The following PRDM13 variants were observed in gnomAD, a reference collection of about 807,000 sequenced individuals.
The protein encoded by PRDM13 is PR/SET domain 13, also known as PR domain zinc finger protein 13.
Under a neutral mutation model 36.4 loss-of-function variants are expected in PRDM13, and 15 were observed. The ratio of observed to expected loss-of-function variants is 0.41; its 90% confidence interval spans 0.28 to 0.64. The LOEUF (loss-of-function observed/expected upper bound fraction) is 0.64, where lower values mean the gene tolerates loss of function less well. Ranked by LOEUF, PRDM13 falls within the 30% of genes least tolerant of loss-of-function variation. The pLI, the probability that PRDM13 is intolerant of heterozygous loss-of-function variation, is 0.29. For missense variants in PRDM13, 1,044 were observed against 1,013.5 expected, an observed-to-expected ratio of 1.03 and a Z score of -0.41; for synonymous variants, 531 against 467.7, an observed-to-expected ratio of 1.14 and a Z score of -1.75.
intron 3 of PRDM13, among the ~76,000 whole-genome samples, 195 bp downstream of exon 3, chr6:99,609,502 C>T (rs1035961981): frequency 6.6e-6 from 1 of 152,138 alleles, no homozygotes; most frequent in Non-Finnish European, 1.5e-5. Flanking sequence ...CAATCTGGCT[C>T]ACAATGGCAG....
chr6:99,609,274 C>A lies in PRDM13; in HGVS notation c.364C>A (p.Pro122Thr). Reference sequence around the variant, plus strand: ...CTCCTTGGCTCAGTGGTTCGACATCCCCACCACAGCGACTCCGACTCACGA... The same window carrying A: ...CTCCTTGGCTCAGTGGTTCGACATCACCACCACAGCGACTCCGACTCACGA... The part of the protein sequence containing the change: ...SNSLAQWFDI[P>T]TTATPTHDEK... Residue 122 changes from proline to threonine, a missense_variant, in exon 3 of 4, where the codon CCC becomes ACC. By Grantham distance (38) the Pro-to-Thr change is conservative (BLOSUM62 -1). Coordinates refer to ENST00000369215, the MANE Select transcript of PRDM13 (RefSeq NM_021620.4). 1 of 1,614,078 alleles carries A rather than the reference C, an allele frequency of 6.2e-7. No homozygotes were observed. Among genetic ancestry groups the A allele is most frequent in the Non-Finnish European group, 8.5e-7 (1 of 1,179,972 alleles).
rs759756481 is a variant in PRDM13 at position 99,614,671 on chromosome 6, C to T, written c.2036C>T (p.Pro679Leu). 7 of 1,611,640 alleles carry T rather than the reference C, an allele frequency of 4.3e-6. No homozygotes were observed. Among genetic ancestry groups the T allele is most frequent in the Non-Finnish European group, 5.1e-6 (6 of 1,179,456 alleles). Reference protein sequence around the residue: ...EPGYPPEPGDPKSDDSDVDVC... With the variant: ...EPGYPPEPGDLKSDDSDVDVC... ...GGCTATCCCCCGGAGCCTGGGGATC[C>T]CAAGAGCGACGACAGTGACGTGGAC... Residue 679 changes from proline (P) to leucine (L), a missense_variant, in exon 4 of 4, where the codon CCC becomes CTC. Pro to Leu is a moderately conservative substitution (Grantham distance 98). Transcript: ENST00000369215.
At position 99,614,160 on chromosome 6, in the gene PRDM13, C is replaced by G; in HGVS notation, c.1525C>G (p.Pro509Ala). ...CGGGCCTGCAGCGGCCGCCCTAAGCCCCGCCGAGCTGGGGTCGCTGGCCAG... is the reference window on the plus strand; with the variant it reads ...CGGGCCTGCAGCGGCCGCCCTAAGCGCCGCCGAGCTGGGGTCGCTGGCCAG... ...FSGPAAAALS[P>A]AELGSLASID... Residue 509 changes from proline to alanine, a missense_variant, in exon 4 of 4, where the codon CCC (proline) becomes GCC (alanine). By Grantham distance (27) the Pro-to-Ala change is conservative (BLOSUM62 -1). Transcript: ENST00000369215. The G allele has an allele frequency of 1.2e-5, 19 of 1,600,928 alleles. No homozygotes were observed. The highest frequency in any genetic ancestry group is 1.6e-5 in the Non-Finnish European group (19 of 1,176,122).
At position 99,613,564 on chromosome 6, in the gene PRDM13, A is replaced by T. The variant is rs1341717661; in HGVS notation, c.929A>T (p.Asp310Val). Residue 310 changes from aspartate to valine, a missense_variant, in exon 4 of 4, where the codon GAC (aspartate) becomes GTC (valine). By Grantham distance (152) the Asp-to-Val change is radical (BLOSUM62 -3). This residue lies in a region of PRDM13 where 921 missense variants were observed against 865.2 expected (regional missense o/e 1.06). Coordinates refer to ENST00000369215, the MANE Select transcript of PRDM13 (RefSeq NM_021620.4). This position sits in a 1 kb window ranked among gnomAD's most constrained non-coding sequence, Gnocchi z 6.1. ...LARAAAAAHG[D>V]PYREESSSKQ... ...AGGGCGGCGGCGGCCGCTCACGGCG[A>T]CCCCTACCGGGAGGAGAGCAGCAGC... The T allele has an allele frequency of 1.3e-6, 2 of 1,503,930 alleles. No homozygotes were observed. Among genetic ancestry groups the T allele is most frequent in the Non-Finnish European group, 1.8e-6 (2 of 1,136,036 alleles). The allele number at this position is 1,503,930 out of a possible 1,614,324, so 93.2% of individuals were successfully genotyped here. A position where few individuals can be genotyped will look rare whatever the true frequency, so the allele number is the denominator to read the frequency against.
chr6:99,614,220 C>T lies in PRDM13; in HGVS notation c.1585C>T (p.Leu529=), dbSNP rs760787760. ...DREIAMHNQQ[L]SEMAAGKGRG... ...AGAGATCGCCATGCACAATCAGCAG[C>T]TGTCCGAGATGGCTGCCGGGAAGGG... The change falls in exon 4 of 4, where the codon CTG becomes TTG. Residue 529 remains leucine (L), a synonymous_variant. Coordinates refer to ENST00000369215, the MANE Select transcript of PRDM13 (RefSeq NM_021620.4). 4 of 1,608,892 alleles carry T rather than the reference C, an allele frequency of 2.5e-6. No homozygotes were observed. The highest frequency in any genetic ancestry group is 1.7e-4 in the Middle Eastern group (1 of 6,054).
Position 99,614,813 on chromosome 6 carries a change from T to G in PRDM13, c.*54T>G, listed in dbSNP as rs1478114869. 1 of 1,514,972 alleles carries G rather than the reference T, an allele frequency of 6.6e-7. No homozygotes were observed. Among genetic ancestry groups the G allele is most frequent in the East Asian group, 2.3e-5 (1 of 44,042 alleles). 93.8% of individuals were successfully genotyped at this position (1,514,972 alleles called of 1,614,324 possible). ...GGACAGAGAGGAGTCGAGGGTTTAT[T>G]CTCGCAGTAGAGGAACTCCTGGTGG... On this transcript the variant is annotated 3_prime_UTR_variant, in exon 4 of 4. Transcript: ENST00000369215.
chr6:99,607,287 C>A, intron 1 of PRDM13, 109 bp downstream of exon 1: 1 of 1,457,412 alleles, frequency 6.9e-7, no homozygotes, highest in Non-Finnish European at 9.3e-7. Context: ...TCGTTACCTG[C>A]TAATTCTGCC....
In PRDM13 at chr6:99,613,308, G is replaced by A. The variant is rs757996644; in HGVS notation, c.673G>A (p.Glu225Lys). The A allele has an allele frequency of 2.1e-5, 33 of 1,569,438 alleles. No individual in the cohort carries two copies. Among genetic ancestry groups the A allele is most frequent in the Admixed American group, 3.7e-5 (2 of 54,502 alleles). ...ACCAGTTCAGGCCTGCGGTGCGCGGGAGGGCATCAAGCGCGAGGCCTCTTC... is the reference window on the plus strand; with the variant it reads ...ACCAGTTCAGGCCTGCGGTGCGCGGAAGGGCATCAAGCGCGAGGCCTCTTC... The part of the protein sequence containing the change: ...PPPVQACGAR[E>K]GIKREASSAP... Residue 225 changes from glutamate to lysine, a missense_variant, in exon 4 of 4, where the codon GAG becomes AAG. Glu to Lys is a moderately conservative substitution (Grantham distance 56, BLOSUM62 1). Transcript: ENST00000369215. This position sits in a 1 kb window ranked among gnomAD's most constrained non-coding sequence, Gnocchi z 6.1.
At position 99,613,958 on chromosome 6, in the gene PRDM13, G is replaced by A. The variant is rs769989460; in HGVS notation, c.1323G>A (p.Pro441=). The change falls in exon 4 of 4, where the codon CCG becomes CCA. Residue 441 remains proline (P), a synonymous_variant. Coordinates refer to ENST00000369215, the MANE Select transcript of PRDM13 (RefSeq NM_021620.4). The surrounding 1 kb of genome is among the most constrained non-coding windows in gnomAD (Gnocchi z 6.1). ...LERCALPPLD[P]GGLKAYPGGE... is the part of the protein sequence containing the mutation. ...GCTGCGCGCTGCCGCCCCTCGACCCGGGCGGTCTCAAAGCCTATCCGGGTG... is the reference window on the plus strand; with the variant it reads ...GCTGCGCGCTGCCGCCCCTCGACCCAGGCGGTCTCAAAGCCTATCCGGGTG... 13 of 1,593,188 alleles carry A rather than the reference G, an allele frequency of 8.2e-6. No homozygotes were observed. The African/African-American group carries it at 1.2e-4, about 15-fold the overall frequency.
In PRDM13 at chr6:99,613,451, C is replaced by T. The variant is rs1770066837; in HGVS notation, c.816C>T (p.Leu272=). 3.9e-6 allele frequency: 6 copies of T among 1,539,516 alleles called. No homozygotes were observed. The South Asian group carries it at 7.2e-5, about 18-fold the overall frequency. ...SGAARGQGHF[L]GIVGGSSAGV... is the part of the protein sequence containing the mutation. The stretch of plus-strand genomic sequence containing the variant: ...CCGCCCGAGGACAAGGGCACTTCCT[C>T]GGCATCGTGGGCGGCTCCTCGGCGG... The change falls in exon 4 of 4, where the codon CTC becomes CTT. Residue 272 remains leucine, a synonymous_variant. Coordinates refer to ENST00000369215, the MANE Select transcript of PRDM13 (RefSeq NM_021620.4). This position sits in a 1 kb window ranked among gnomAD's most constrained non-coding sequence, Gnocchi z 6.1.
chr6:99,609,075 C>A, intron 2 of PRDM13, 112 bp from the exon 3 acceptor site: 1 of 1,433,924 alleles, frequency 7.0e-7, no homozygotes, highest in South Asian at 1.4e-5. Context: ...GCTCCAGTAG[C>A]TTCTCCAGGG....
Position 99,609,907 on chromosome 6 carries a change from A to AAT in PRDM13, c.397+601_397+602insTA, listed in dbSNP as rs1562507993. Among the ~76,000 whole-genome samples, 12 of 116,248 alleles carry AAT rather than the reference A, an allele frequency of 1.0e-4. No individual in the cohort carries two copies. In the East Asian group the frequency reaches 2.1e-3, roughly 20 times the overall value. 76.3% of individuals were successfully genotyped at this position (116,248 alleles called of 152,430 possible). A position where few individuals can be genotyped will look rare whatever the true frequency, so the allele number is the denominator to read the frequency against. ...CTCAAAATAAATAAATAAAAATAAA[A>AAT]AATAAAAAAGGAGCCTTAAGTTGTT... is the stretch of plus-strand genomic sequence containing the variant. On this transcript the variant is annotated intron_variant, in intron 3 of 3. Coordinates refer to ENST00000369215, the MANE Select transcript of PRDM13 (RefSeq NM_021620.4).
rs536101986 is a variant in PRDM13 at position 99,613,475 on chromosome 6, G to A, written c.840G>A (p.Ala280=). ...TCGGCATCGTGGGCGGCTCCTCGGC[G>A]GGGGTCGGCAGCCTGGCTTTCTACC... The part of the protein sequence containing the change: ...HFLGIVGGSS[A]GVGSLAFYPG... The change falls in exon 4 of 4, where the codon GCG becomes GCA. Residue 280 remains alanine (A), a synonymous_variant. Transcript: ENST00000369215. The surrounding 1 kb of genome is among the most constrained non-coding windows in gnomAD (Gnocchi z 6.1). The A allele has an allele frequency of 2.0e-6, 3 of 1,532,906 alleles. No homozygotes were observed. The highest frequency in any genetic ancestry group is 2.8e-5 in the African/African-American group (2 of 71,282). The allele number at this position is 1,532,906 out of a possible 1,614,324, so 95.0% of individuals were successfully genotyped here.
At chr6:99,608,941 G>A in intron 2 of PRDM13, 69 bp downstream of exon 2, 3 of 1,545,132 alleles carry the variant, frequency 1.9e-6, no homozygotes, top group South Asian at 1.3e-5. Flanking sequence ...CCGTCCCTGC[G>A]GTGGCCAAAA....
Position 99,613,724 on chromosome 6 carries a change from T to C in PRDM13, c.1089T>C (p.His363=), listed in dbSNP as rs1235434787. ...ACCACCACGCGCACCACCACCACCA[T>C]CCCAAGTGCCTGCTCGCTGGGGACC... ...HHHHHAHHHH[H]PKCLLAGDPP... The change falls in exon 4 of 4, where the codon CAT becomes CAC. Residue 363 remains histidine, a synonymous_variant. Coordinates refer to ENST00000369215, the MANE Select transcript of PRDM13 (RefSeq NM_021620.4). This position sits in a 1 kb window ranked among gnomAD's most constrained non-coding sequence, Gnocchi z 6.1. 2.0e-6 allele frequency: 3 copies of C among 1,470,088 alleles called. No homozygotes were observed. Among genetic ancestry groups the C allele is most frequent in the Non-Finnish European group, 2.7e-6 (3 of 1,115,044 alleles). 91.1% of individuals were successfully genotyped at this position (1,470,088 alleles called of 1,614,324 possible).
intron 2 of PRDM13, 62 bp from the exon 3 acceptor site, chr6:99,609,125 A>G (rs1027199647): frequency 1.9e-6 from 3 of 1,579,246 alleles, no homozygotes; most frequent in Non-Finnish European, 2.6e-6. Context: ...CTTTCTTCTC[A>G]GTTGCTTTTT....
In PRDM13 at chr6:99,613,111, A is replaced by G; in HGVS notation, c.476A>G (p.His159Arg). 2.5e-6 allele frequency: 4 copies of G among 1,613,720 alleles called. No individual in the cohort carries two copies. The highest frequency in any genetic ancestry group is 3.4e-6 in the Non-Finnish European group (4 of 1,180,024). Residue 159 changes from histidine (H) to arginine (R), a missense_variant, in exon 4 of 4, where the codon CAC (histidine) becomes CGC (arginine). By Grantham distance (29) the His-to-Arg change is conservative. Transcript: ENST00000369215. This position sits in a 1 kb window ranked among gnomAD's most constrained non-coding sequence, Gnocchi z 6.1. ...AGCCTTAAGGCACACCTGCGTTTCC[A>G]CTGCGTGTTCAGCGGCGGTGGAGGC... is the stretch of plus-strand genomic sequence containing the variant. ...PNSLKAHLRF[H>R]CVFSGGGGGA... is the part of the protein sequence containing the mutation.
chr6:99,606,928 G>A lies in PRDM13; in HGVS notation c.-107G>A. The A allele has an allele frequency of 6.5e-6, 9 of 1,374,844 alleles. No homozygotes were observed. The highest frequency in any genetic ancestry group is 8.6e-6 in the Non-Finnish European group (9 of 1,048,942). 85.2% of individuals were successfully genotyped at this position (1,374,844 alleles called of 1,614,324 possible). A position where few individuals can be genotyped will look rare whatever the true frequency, so the allele number is the denominator to read the frequency against. On this transcript the variant is annotated 5_prime_UTR_variant, in exon 1 of 4. Transcript: ENST00000369215. ...CCGCGTCACTCCGCGGGCGGAGGAC[G>A]CACGTCGGGGCGCGGCTCTCTGGCT... is the stretch of plus-strand genomic sequence containing the variant.
At position 99,614,190 on chromosome 6, in the gene PRDM13, G is replaced by C; in HGVS notation, c.1555G>C (p.Asp519His). The C allele has an allele frequency of 4.4e-6, 7 of 1,605,502 alleles. No individual in the cohort carries two copies. The highest frequency in any genetic ancestry group is 5.1e-6 in the Non-Finnish European group (6 of 1,178,252). Residue 519 changes from aspartate (D) to histidine (H), a missense_variant, in exon 4 of 4, where the codon GAC becomes CAC. By Grantham distance (81) the Asp-to-His change is moderately conservative. Around this residue, in one of 3 missense-constraint regions of PRDM13, gnomAD observed 921 missense variants for 865.2 expected, o/e 1.06. Coordinates refer to ENST00000369215, the MANE Select transcript of PRDM13 (RefSeq NM_021620.4). ...CGAGCTGGGGTCGCTGGCCAGCATCGACCGAGAGATCGCCATGCACAATCA... is the reference window on the plus strand; with the variant it reads ...CGAGCTGGGGTCGCTGGCCAGCATCCACCGAGAGATCGCCATGCACAATCA... ...PAELGSLASI[D>H]REIAMHNQQL...
Sources: gnomAD v4.1 joint callset for allele counts (sites outside exome capture counted in the v4.1 genomes callset) on GRCh38, gnomAD v4.1.1 for gene constraint, gnomAD v4.1.1 regional missense constraint, Gnocchi (gnomAD v3.1) non-coding constraint, MANE v1.5 for transcripts, NCBI Gene and HGNC (gene_info 2026-07-23, HGNC 2026-07-21) for gene names.